CALN1: variants seen among roughly 807,000 people sequenced by gnomAD.
CALN1 encodes the protein calcium-binding protein 8.
A neutral mutation model predicts 30.6 loss-of-function variants in CALN1; 17 were observed. The observed-to-expected ratio is 0.56, with a 90% CI of 0.38 to 0.83. The LOEUF (loss-of-function observed/expected upper bound fraction) is 0.83, where lower values mean the gene tolerates loss of function less well. Among genes scored for constraint, CALN1 ranks in the 40% least tolerant of loss-of-function variants. The pLI is 0.00. For synonymous variants in CALN1, 156 were observed against 131.4 expected (o/e 1.19, Z -1.28); for missense variants, 291 against 354.9 (o/e 0.82, Z 1.45).
chr7:71,827,607 C>T (rs1212983815), intron 5 of CALN1, among the ~76,000 whole-genome samples: 1 of 151,686 alleles, frequency 6.6e-6, no homozygotes, highest in Non-Finnish European at 1.5e-5. Context: ...CCCATCTCTA[C>T]TAAAAATACA....
chr7:72,025,461 G>T (rs899233766), intron 4 of CALN1, among the ~76,000 whole-genome samples: 1 of 152,222 alleles, frequency 6.6e-6, no homozygotes, highest in African/African-American at 2.4e-5. Flanking sequence ...ACCAAAGCAG[G>T]CATTCAGTAT....
At chr7:72,176,767 C>A (rs1346216219) in intron 3 of CALN1, among the ~76,000 whole-genome samples, 4 of 152,146 alleles carry the variant, frequency 2.6e-5, no homozygotes, top group Non-Finnish European at 4.4e-5. Context: ...TAGAGTCTCC[C>A]TTTCCCAGAC....
chr7:72,438,270 A>G (rs1335117585), intron 1 of CALN1, among the ~76,000 whole-genome samples: 1 of 151,440 alleles, frequency 6.6e-6, no homozygotes, highest in African/African-American at 2.4e-5. Context: ...ATGCACCACT[A>G]TCCCTGGCTC....
intron 3 of CALN1, among the ~76,000 whole-genome samples, chr7:72,189,370 C>T (rs976249477): frequency 6.6e-6 from 1 of 152,002 alleles, no homozygotes; most frequent in African/African-American, 2.4e-5. Context: ...GTTTCTCAAG[C>T]AACAAAACAT....
intron 3 of CALN1, among the ~76,000 whole-genome samples, chr7:72,231,950 G>A (rs1030755777): frequency 2.0e-5 from 3 of 152,326 alleles, no homozygotes; most frequent in Admixed American, 2.0e-4. Context: ...TGTCAGAAAA[G>A]ACGCTGTTGT....
intron 2 of CALN1, among the ~76,000 whole-genome samples, chr7:72,309,839 A>G (rs536902862): frequency 7.7e-4 from 117 of 152,292 alleles, no homozygotes; most frequent in African/African-American, 2.5e-3. Flanking sequence ...CACCAGGTCC[A>G]GGGAGATTTG....
intron 4 of CALN1, among the ~76,000 whole-genome samples, chr7:72,086,906 T>A (rs1805520699): frequency 6.6e-6 from 1 of 152,028 alleles, no homozygotes; most frequent in Non-Finnish European, 1.5e-5. Flanking sequence ...ATAATAAAAG[T>A]CAAATAATGA....
chr7:72,388,903 G>T (rs189792381), intron 2 of CALN1, among the ~76,000 whole-genome samples: 4 of 152,268 alleles, frequency 2.6e-5, no homozygotes, highest in Non-Finnish European at 4.4e-5. Context: ...CCTGGTATCT[G>T]CCCTGAGTGT....
intron 5 of CALN1, among the ~76,000 whole-genome samples, chr7:71,818,713 TTTA>T (rs1303989489): frequency 6.7e-6 from 1 of 149,174 alleles, no homozygotes; most frequent in East Asian, 2.0e-4. Flanking sequence ...TATTTATTTA[TTTA>T]TTTATTTTTT....
intron 5 of CALN1, among the ~76,000 whole-genome samples, chr7:71,909,620 G>A (rs1472211411): frequency 6.6e-6 from 1 of 152,194 alleles, no homozygotes; most frequent in Non-Finnish European, 1.5e-5. Flanking sequence ...CAGGTCTGGT[G>A]TACAATGACA....
the CALN1 span, among the ~76,000 whole-genome samples, chr7:72,464,088 GAAAGAAAGAA>G: frequency 3.3e-5 from 5 of 151,218 alleles, no homozygotes; most frequent in African/African-American, 1.2e-4. Context: ...GAAAAAGAAA[GAAAGAAAGAA>G]AGAGAGAGAA....
chr7:72,287,678 C>T lies in CALN1; in HGVS notation c.120-8868G>A, dbSNP rs564592475. On this transcript the variant is annotated intron_variant, in intron 2 of 6. Transcript: ENST00000395275. ...AGCCAGGATGGTCTTGATCTCCTGA[C>T]CTCGTGATCCACCTGCCTCAGCCTC... Among the ~76,000 whole-genome samples, 7 of 152,056 alleles carry T rather than the reference C, an allele frequency of 4.6e-5. No homozygotes were observed. In the East Asian group the frequency reaches 1.4e-3, roughly 29 times the overall value.
intron 3 of CALN1, among the ~76,000 whole-genome samples, chr7:72,261,427 C>CTTTTTTTTT (rs34736636): frequency 6.7e-6 from 1 of 149,082 alleles, no homozygotes. Context: ...ATTTCAGAAG[C>CTTTTTTTTT]TTTTTTTTTT....
intron 6 of CALN1, among the ~76,000 whole-genome samples, chr7:71,800,669 T>C (rs1562790499): frequency 6.6e-6 from 1 of 152,072 alleles, no homozygotes; most frequent in Admixed American, 6.6e-5. Flanking sequence ...GCACGGGTGA[T>C]GAAGCACCGT....
At chr7:71,881,904 A>T (rs1455473849) in intron 5 of CALN1, among the ~76,000 whole-genome samples, 1 of 137,074 alleles carries the variant, frequency 7.3e-6, no homozygotes, top group African/African-American at 2.7e-5. Flanking sequence ...AATACCCTAT[A>T]TTTACAAAAA....
intron 5 of CALN1, among the ~76,000 whole-genome samples, chr7:71,910,775 G>GT (rs1584494133): frequency 6.6e-6 from 1 of 151,822 alleles, no homozygotes; most frequent in East Asian, 1.9e-4. Context: ...TTCCTGCACC[G>GT]TTTTTTTCTC....
chr7:72,252,193 A>G (rs1009809059), intron 3 of CALN1, among the ~76,000 whole-genome samples: 7 of 152,054 alleles, frequency 4.6e-5, no homozygotes, highest in Admixed American at 2.6e-4. Flanking sequence ...CTATTCTTCT[A>G]GTTGATTGAG....
In CALN1 at chr7:72,392,627, T is replaced by C. The variant is rs141129810; in HGVS notation, c.119+10624A>G. 5.6e-3 allele frequency among the ~76,000 whole-genome samples: 850 copies of C among 152,258 alleles called. 20 individuals carry two copies. Among genetic ancestry groups the C allele is most frequent in the Admixed American group, 0.045 (680 of 15,280 alleles). On this transcript the variant is annotated intron_variant, in intron 2 of 6. Transcript: ENST00000395275. ...AAGACTATTTAGGGCATGAACTCTATTGACTAATCCTCTCCCTTACCCCAC... is the reference window on the plus strand; with the variant it reads ...AAGACTATTTAGGGCATGAACTCTACTGACTAATCCTCTCCCTTACCCCAC...
upstream of CALN1, among the ~76,000 whole-genome samples, chr7:72,451,140 AAGG>A (rs1330343098): frequency 1.4e-5 from 2 of 147,962 alleles, no homozygotes; most frequent in Non-Finnish European, 3.0e-5. Flanking sequence ...AGAGAAGAAG[AAGG>A]AGAAGGAGAA....
Sources: allele counts gnomAD v4.1 joint callset (sites outside exome capture counted in the v4.1 genomes callset), GRCh38; gene constraint gnomAD v4.1.1; transcripts MANE v1.5; gene names NCBI Gene and HGNC (gene_info 2026-07-23, HGNC 2026-07-21).